The following PRCC variants were observed in gnomAD, a reference collection of about 807,000 sequenced individuals.
PRCC encodes the protein proline-rich protein PRCC.
PRCC carries 10 observed loss-of-function variants against 44.0 expected under a neutral mutation model. That is an observed-to-expected ratio of 0.23 (90% CI 0.14 to 0.39). The LOEUF (loss-of-function observed/expected upper bound fraction) is 0.39, where lower values mean the gene tolerates loss of function less well. PRCC is among the 10% of genes least tolerant of loss of function. The probability of loss-of-function intolerance (pLI) is 1.00; values close to 1 mark genes in which losing one functional copy is unlikely to be tolerated. For synonymous variants in PRCC, 278 were observed against 259.5 expected (o/e 1.07, Z -0.69); for missense variants, 573 against 624.7 (o/e 0.92, Z 0.88).
chr1:156,797,036 C>G (rs1652681847), intron 5 of PRCC: 1 of 492,722 alleles, frequency 2.0e-6, no homozygotes, highest in African/African-American at 2.0e-5. Context: ...CATTTCCAGT[C>G]TAGTGGGGGA....
Position 156,768,198 on chromosome 1 carries a change from G to C in PRCC, c.427G>C (p.Glu143Gln). 4 of 1,548,536 alleles carry C rather than the reference G, an allele frequency of 2.6e-6. No individual in the cohort carries two copies. Among genetic ancestry groups the C allele is most frequent in the Non-Finnish European group, 2.6e-6 (3 of 1,147,664 alleles). ...GCTTCCCAAGCCAAAGAAGAGGAAA[G>C]AGCCCGTGAAGATCGCGGCGCCGGA... ...LGLPKPKKRK[E>Q]PVKIAAPELH... Residue 143 changes from glutamate (E) to glutamine (Q), a missense_variant, in exon 1 of 7, where the codon GAG (glutamate) becomes CAG (glutamine). Coordinates refer to ENST00000271526, the MANE Select transcript of PRCC (RefSeq NM_005973.5).
chr1:156,793,028 C>T (rs1402859328), intron 4 of PRCC, among the ~76,000 whole-genome samples: 1 of 152,180 alleles, frequency 6.6e-6, no homozygotes, highest in African/African-American at 2.4e-5. Context: ...GTTCTATCTG[C>T]AGGGAAGTCA....
rs1571598723 is a variant in PRCC, at chr1:156,798,828, G to A, written c.1389+1487G>A. Among the ~76,000 whole-genome samples the A allele has an allele frequency of 1.4e-5, 2 of 142,226 alleles. 1 individual carries two copies. The highest frequency in any genetic ancestry group is 5.4e-5 in the African/African-American group (2 of 37,256). The allele number at this position is 142,226 out of a possible 152,430, so 93.3% of individuals were successfully genotyped here. A position where few individuals can be genotyped will look rare whatever the true frequency, so the allele number is the denominator to read the frequency against. On this transcript the variant is annotated intron_variant, in intron 6 of 6. Transcript: ENST00000271526. The stretch of plus-strand genomic sequence containing the variant: ...CGCGCCACTGCACTCCAGCCTGGGT[G>A]AGACTCCATCTCAAAAAAAAAAAAA...
chr1:156,769,900 A>T (rs1262279254), intron 1 of PRCC, among the ~76,000 whole-genome samples: 1 of 151,828 alleles, frequency 6.6e-6, no homozygotes, highest in Non-Finnish European at 1.5e-5. Flanking sequence ...GCACCCGGCC[A>T]CTTTCTTCCA....
chr1:156,800,275 TAGG>T, intron 6 of PRCC, 96 bp from the exon 7 acceptor site: 3 of 1,143,526 alleles, frequency 2.6e-6, no homozygotes, highest in Non-Finnish European at 3.9e-6. Context: ...ATCGTTTTGA[TAGG>T]AGAAAGATTT....
At chr1:156,775,107 G>A (rs549197933) in intron 1 of PRCC, among the ~76,000 whole-genome samples, 2 of 152,000 alleles carry the variant, frequency 1.3e-5, no homozygotes, top group Admixed American at 1.3e-4. Flanking sequence ...AATTAGCCAA[G>A]CGTGGTGGCG....
intron 2 of PRCC, among the ~76,000 whole-genome samples, chr1:156,785,248 A>G (rs1035082923): frequency 3.9e-5 from 6 of 152,160 alleles, no homozygotes; most frequent in African/African-American, 1.4e-4. Context: ...GCTGTGGCTC[A>G]TGCCTGTAAT....
intron 2 of PRCC, among the ~76,000 whole-genome samples, chr1:156,786,283 G>A (rs1202277603): frequency 6.6e-6 from 1 of 152,166 alleles, no homozygotes; most frequent in African/African-American, 2.4e-5. Flanking sequence ...GAGGAAGGAC[G>A]ATGTGAGGTT....
chr1:156,798,488 T>C lies in PRCC; in HGVS notation c.1389+1147T>C, dbSNP rs1031256140. ...TACCAAACAAGTCAGCTTTTTCTTG[T>C]AATGTCATGACTTTTCTCTGCTGCT... On this transcript the variant is annotated intron_variant, in intron 6 of 6. Transcript: ENST00000271526. Among the ~76,000 whole-genome samples the C allele has an allele frequency of 7.9e-5, 12 of 152,350 alleles. 1 individual carries two copies. In the South Asian group the frequency reaches 2.1e-3, roughly 26 times the overall value.
chr1:156,792,096 C>T (rs1382066170), intron 4 of PRCC, among the ~76,000 whole-genome samples: 4 of 84,824 alleles, frequency 4.7e-5, no homozygotes, highest in African/African-American at 1.2e-4. Context: ...GAGACGGGGT[C>T]TTGCTTGTTG....
At chr1:156,772,360 G>A (rs1018140470) in intron 1 of PRCC, among the ~76,000 whole-genome samples, 7 of 152,188 alleles carry the variant, frequency 4.6e-5, no homozygotes, top group South Asian at 4.1e-4. Context: ...TGCAGTCAGC[G>A]TAGTACCAAA....
At chr1:156,795,588 G>A (rs932570788) in intron 5 of PRCC, among the ~76,000 whole-genome samples, 5 of 152,046 alleles carry the variant, frequency 3.3e-5, no homozygotes, top group African/African-American at 7.2e-5. Context: ...ACCCGGCCCC[G>A]GTTAGTTCAT....
intron 1 of PRCC, among the ~76,000 whole-genome samples, chr1:156,771,605 C>G (rs746584691): frequency 1.1e-4 from 16 of 151,778 alleles, no homozygotes; most frequent in Non-Finnish European, 1.9e-4. Context: ...TGAGGGAATA[C>G]GGGAGGCAGA....
chr1:156,786,417 C>T (rs1652246512), intron 2 of PRCC, among the ~76,000 whole-genome samples, 191 bp from the exon 3 acceptor site: 1 of 152,146 alleles, frequency 6.6e-6, no homozygotes, highest in South Asian at 2.1e-4. Context: ...AAGCAGCCCG[C>T]AGAAAGGCCT....
chr1:156,780,870 A>G (rs1253014434), intron 1 of PRCC, among the ~76,000 whole-genome samples: 10 of 152,004 alleles, frequency 6.6e-5, no homozygotes, highest in Admixed American at 6.6e-4. Context: ...TGGGGATTAC[A>G]GGCGCCCACT....
At chr1:156,782,384 G>T in intron 2 of PRCC, 55 bp downstream of exon 2, 3 of 1,481,950 alleles carry the variant, frequency 2.0e-6, no homozygotes, top group Non-Finnish European at 1.9e-6. Context: ...TTTCCTCAAA[G>T]ACAGGACTTA....
intron 2 of PRCC, among the ~76,000 whole-genome samples, chr1:156,784,460 A>G (rs559233149): frequency 6.6e-6 from 1 of 152,344 alleles, no homozygotes; most frequent in Non-Finnish European, 1.5e-5. Flanking sequence ...CTCTTAAGGC[A>G]GAGTGGGGAC....
intron 1 of PRCC, among the ~76,000 whole-genome samples, chr1:156,779,553 G>C (rs916447755): frequency 3.9e-5 from 6 of 152,012 alleles, no homozygotes; most frequent in African/African-American, 1.4e-4. Context: ...ATTTTTCGTA[G>C]AGACGAGGTT....
Position 156,768,214 on chromosome 1 carries a change from C to T in PRCC, c.443C>T (p.Ala148Val). ...PKKRKEPVKI[A>V]APELHKGDSD... is the part of the protein sequence containing the mutation. ...AAGAGGAAAGAGCCCGTGAAGATCGCGGCGCCGGAGTTGCATAAGGGAGAT... is the reference window on the plus strand; with the variant it reads ...AAGAGGAAAGAGCCCGTGAAGATCGTGGCGCCGGAGTTGCATAAGGGAGAT... The change falls in exon 1 of 7, where the codon GCG (alanine) becomes GTG (valine). Residue 148 changes from alanine to valine, a missense_variant. Coordinates refer to ENST00000271526, the MANE Select transcript of PRCC (RefSeq NM_005973.5). 3.2e-6 allele frequency: 5 copies of T among 1,544,316 alleles called. No individual in the cohort carries two copies. The highest frequency in any genetic ancestry group is 4.4e-6 in the Non-Finnish European group (5 of 1,147,180).
Sources: allele counts gnomAD v4.1 joint callset (sites outside exome capture counted in the v4.1 genomes callset), GRCh38; gene constraint gnomAD v4.1.1; transcripts MANE v1.5; gene names NCBI Gene and HGNC (gene_info 2026-07-23, HGNC 2026-07-21).